Variants in PTPRD observed in about 807,000 individuals in gnomAD.
The protein encoded by PTPRD is receptor-type tyrosine-protein phosphatase delta.
PTPRD carries 34 observed loss-of-function variants against 214.5 expected under a neutral mutation model. The observed-to-expected ratio is 0.16, with a 90% confidence interval of 0.12 to 0.21. PTPRD has a LOEUF of 0.21. PTPRD is among the 10% of genes least tolerant of loss of function. The pLI is 1.00. For missense variants in PTPRD, 2,545 were observed against 2,398.7 expected, an observed-to-expected ratio of 1.06 and a Z score of -1.27; for synonymous variants, 1,128 against 845.7, an observed-to-expected ratio of 1.33 and a Z score of -5.79.
At chr9:8,826,110 C>A (rs77919567) in intron 11 of PTPRD, among the ~76,000 whole-genome samples, 16,152 of 152,002 alleles carry the variant, frequency 0.11, 945 homozygotes, top group African/African-American at 0.14. Context: ...CAGATAAAGG[C>A]CTGTATCTGT....
At position 8,317,794 on chromosome 9, in the gene PTPRD, C is replaced by G. The variant is rs1302936911; in HGVS notation, c.*80G>C. 3.4e-5 allele frequency: 44 copies of G among 1,296,944 alleles called. No individual in the cohort carries two copies. The Admixed American group carries it at 7.8e-4, about 23-fold the overall frequency. 80.3% of individuals were successfully genotyped at this position (1,296,944 alleles called of 1,614,324 possible). A position where few individuals can be genotyped will look rare whatever the true frequency, so the allele number is the denominator to read the frequency against. ...TAGCTAGAAGTTAAGAAGGACTTCT[C>G]AAGTGCCCTGTATGGCTCAGAAGAG... On this transcript the variant is annotated 3_prime_UTR_variant, in exon 46 of 46. Coordinates refer to ENST00000381196, the MANE Select transcript of PTPRD (RefSeq NM_002839.4).
At chr9:9,067,213 A>G (rs1281705083) in intron 10 of PTPRD, among the ~76,000 whole-genome samples, 1 of 152,224 alleles carries the variant, frequency 6.6e-6, no homozygotes, top group African/African-American at 2.4e-5. Flanking sequence ...CTGGGCAATA[A>G]GAGTGAGACT....
chr9:9,476,494 C>T lies in PTPRD; in HGVS notation c.-236-79012G>A, dbSNP rs969541518. Among the ~76,000 whole-genome samples, 4 of 152,142 alleles carry T rather than the reference C, an allele frequency of 2.6e-5. 1 individual carries two copies. The highest frequency in any genetic ancestry group is 2.6e-4 in the Admixed American group (4 of 15,264). ...TCAAGGGTAGGAAATACTTAAGTAG[C>T]TTTCATGTCAGTTTACACATTTGTC... On this transcript the variant is annotated intron_variant, in intron 8 of 45. Coordinates refer to ENST00000381196, the MANE Select transcript of PTPRD (RefSeq NM_002839.4).
intron 2 of PTPRD, among the ~76,000 whole-genome samples, chr9:10,601,240 C>T (rs989371842): frequency 3.3e-5 from 5 of 151,408 alleles, no homozygotes; most frequent in South Asian, 4.2e-4. Flanking sequence ...AGGTAGCCAT[C>T]CAAGTAATAT....
chr9:10,127,964 T>G (rs1189576935), intron 3 of PTPRD, among the ~76,000 whole-genome samples: 2 of 152,146 alleles, frequency 1.3e-5, no homozygotes, highest in African/African-American at 2.4e-5. Context: ...AACTCTGCTT[T>G]TTATCCATTT....
intron 3 of PTPRD, among the ~76,000 whole-genome samples, chr9:10,270,703 G>A (rs2094368832): frequency 6.6e-6 from 1 of 152,122 alleles, no homozygotes; most frequent in Non-Finnish European, 1.5e-5. Flanking sequence ...TGCATGTGGA[G>A]TATATCTTGA....
chr9:10,595,387 T>C lies in PTPRD; in HGVS notation c.-600+17011A>G, dbSNP rs559579185. On this transcript the variant is annotated intron_variant, in intron 2 of 45. Transcript: ENST00000381196. ...TTCCCTCAAATAGCCAATAATTACT[T>C]CCAAATAAGTTGGAAAAATCAGTGA... Among the ~76,000 whole-genome samples the C allele has an allele frequency of 3.4e-3, 519 of 151,990 alleles. 5 individuals are homozygous for C. The highest frequency in any genetic ancestry group is 0.012 in the African/African-American group (484 of 41,540).
At chr9:8,958,417 T>G (rs1365788607) in intron 11 of PTPRD, among the ~76,000 whole-genome samples, 5 of 151,956 alleles carry the variant, frequency 3.3e-5, no homozygotes, top group African/African-American at 9.7e-5. Context: ...TCAAAGGGCA[T>G]GAGCATAATA....
intron 3 of PTPRD, among the ~76,000 whole-genome samples, chr9:10,087,510 T>C: frequency 6.6e-6 from 1 of 151,670 alleles, no homozygotes; most frequent in East Asian, 1.9e-4. Context: ...TACAGCCTCC[T>C]ATCAAACCCG....
intron 4 of PTPRD, among the ~76,000 whole-genome samples, chr9:9,993,600 T>A (rs1032340445): frequency 3.3e-5 from 5 of 152,066 alleles, no homozygotes; most frequent in Non-Finnish European, 5.9e-5. Context: ...AACAAAAAAT[T>A]GCTCTGTGAC....
intron 7 of PTPRD, among the ~76,000 whole-genome samples, chr9:9,586,763 T>G (rs1366980376): frequency 6.6e-6 from 1 of 151,948 alleles, no homozygotes; most frequent in Non-Finnish European, 1.5e-5. Context: ...CACTCTGAGG[T>G]ATGACTGTTA....
intron 7 of PTPRD, among the ~76,000 whole-genome samples, chr9:9,718,095 A>G (rs944125568): frequency 1.3e-5 from 2 of 152,218 alleles, no homozygotes; most frequent in South Asian, 2.1e-4. Context: ...AAAATAGTAT[A>G]TATTTTACAA....
chr9:9,887,192 C>A (rs907088667), intron 5 of PTPRD, among the ~76,000 whole-genome samples: 3 of 152,226 alleles, frequency 2.0e-5, no homozygotes, highest in East Asian at 3.9e-4. Context: ...AGAAAGCCTT[C>A]TGTCAATATC....
intron 3 of PTPRD, among the ~76,000 whole-genome samples, chr9:10,136,437 T>C (rs911270392): frequency 6.6e-6 from 1 of 152,154 alleles, no homozygotes. Flanking sequence ...CACAGTCTTT[T>C]AATCTGCACT....
intron 10 of PTPRD, among the ~76,000 whole-genome samples, chr9:9,057,706 C>G (rs540582087): frequency 6.6e-6 from 1 of 152,182 alleles, no homozygotes; most frequent in African/African-American, 2.4e-5. Context: ...GTGAGTAAAG[C>G]TGCTGAGAAT....
intron 27 of PTPRD, among the ~76,000 whole-genome samples, chr9:8,488,783 C>G (rs2097090372): frequency 6.6e-6 from 1 of 152,144 alleles, no homozygotes; most frequent in Non-Finnish European, 1.5e-5. Context: ...AAGGATTAAA[C>G]ACCTGAGTCT....
intron 2 of PTPRD, among the ~76,000 whole-genome samples, chr9:10,546,751 T>C (rs1459213943): frequency 1.3e-5 from 2 of 152,038 alleles, no homozygotes; most frequent in East Asian, 1.9e-4. Flanking sequence ...TAGCAACATA[T>C]AAAAGTATAG....
At chr9:8,839,223 T>A (rs1462154522) in intron 11 of PTPRD, among the ~76,000 whole-genome samples, 1 of 152,194 alleles carries the variant, frequency 6.6e-6, no homozygotes, top group African/African-American at 2.4e-5. Flanking sequence ...AAATTCATAT[T>A]AAACCAATAA....
At chr9:9,881,544 A>T (rs993324891) in intron 5 of PTPRD, among the ~76,000 whole-genome samples, 1 of 152,170 alleles carries the variant, frequency 6.6e-6, no homozygotes, top group Admixed American at 6.6e-5. Flanking sequence ...TGTGAAAATA[A>T]ACTGGGATGA....
Sources: allele counts gnomAD v4.1 joint callset (sites outside exome capture counted in the v4.1 genomes callset), GRCh38; gene constraint gnomAD v4.1.1; transcripts MANE v1.5; gene names NCBI Gene and HGNC (gene_info 2026-07-23, HGNC 2026-07-21).